The following NAP1L4 variants were observed in gnomAD, a reference collection of about 807,000 sequenced individuals.
NAP1L4 encodes nucleosome assembly protein 1-like 4.
In NAP1L4, 15 loss-of-function variants were observed where a neutral mutation model predicts 58.2. The ratio of observed to expected loss-of-function variants is 0.26; its 90% CI spans 0.17 to 0.40. The LOEUF (loss-of-function observed/expected upper bound fraction) is 0.40. Ranked by LOEUF, NAP1L4 falls within the 10% of genes least tolerant of loss-of-function variation. The pLI, the probability that NAP1L4 is intolerant of heterozygous loss-of-function variation, is 1.00. For synonymous variants in NAP1L4, 171 were observed against 155.6 expected (o/e 1.10, Z -0.74); for missense variants, 384 against 451.1 (o/e 0.85, Z 1.35).
intron 8 of NAP1L4, 111 bp from the exon 9 acceptor site, chr11:2,960,020 T>C (rs1053670342): frequency 4.4e-6 from 5 of 1,143,034 alleles, no homozygotes; most frequent in Middle Eastern, 2.7e-4. Context: ...GCTCAACAGA[T>C]AGGGCCATGA....
chr11:2,969,197 C>T (rs1220664225), intron 7 of NAP1L4, among the ~76,000 whole-genome samples: 1 of 151,906 alleles, frequency 6.6e-6, no homozygotes, highest in East Asian at 1.9e-4. Context: ...CGCGATGCTG[C>T]CCAGGCTGGT....
intron 3 of NAP1L4, among the ~76,000 whole-genome samples, chr11:2,976,355 A>C (rs1488658128): frequency 6.6e-6 from 1 of 152,218 alleles, no homozygotes; most frequent in Non-Finnish European, 1.5e-5. Flanking sequence ...TTTACTGAAT[A>C]AACACCTAGA....
intron 15 of NAP1L4, among the ~76,000 whole-genome samples, 192 bp from the exon 16 acceptor site, chr11:2,945,838 T>C (rs532040250): frequency 6.7e-6 from 1 of 150,038 alleles, no homozygotes; most frequent in Non-Finnish European, 1.5e-5. Flanking sequence ...CAAAGCAGGG[T>C]TTTTTTTTGT....
chr11:2,970,333 T>G (rs148698624), intron 6 of NAP1L4, among the ~76,000 whole-genome samples: 1 of 151,866 alleles, frequency 6.6e-6, no homozygotes, highest in South Asian at 2.1e-4. Context: ...CATCTAGCAC[T>G]GGGCAAAAAA....
chr11:2,945,291 T>C lies in NAP1L4; in HGVS notation c.*388A>G. ...CCAGACCTCGGCCCTTTTTGCCAAG[T>C]GACCCCCACCCCACCCTGATGTGGT... On this transcript the variant is annotated 3_prime_UTR_variant, in exon 16 of 16. Transcript: ENST00000380542. 3.6e-6 allele frequency: 1 copy of C among 280,958 alleles called. No individual in the cohort carries two copies. The highest frequency in any genetic ancestry group is 6.6e-6 in the Non-Finnish European group (1 of 152,038). 17.4% of individuals were successfully genotyped at this position (280,958 alleles called of 1,614,324 possible).
chr11:2,947,615 G>A (rs1322084189), intron 15 of NAP1L4, among the ~76,000 whole-genome samples: 1 of 150,950 alleles, frequency 6.6e-6, no homozygotes, highest in Non-Finnish European at 1.5e-5. Context: ...TGTGACACAT[G>A]CCGAAAAAAA....
chr11:2,975,041 C>T (rs181972263), intron 4 of NAP1L4, among the ~76,000 whole-genome samples: 45 of 151,742 alleles, frequency 3.0e-4, no homozygotes, highest in African/African-American at 6.0e-4. Flanking sequence ...CCCTTCTTGT[C>T]GTAATAGCCC....
At position 2,946,031 on chromosome 11, in the gene NAP1L4, C is replaced by T. The variant is rs958382988; in HGVS notation, c.*33-385G>A. Among the ~76,000 whole-genome samples the T allele has an allele frequency of 7.2e-5, 11 of 152,292 alleles. No individual in the cohort carries two copies. The South Asian group carries it at 1.2e-3, about 17-fold the overall frequency. On this transcript the variant is annotated intron_variant, in intron 15 of 15. Coordinates refer to ENST00000380542, the MANE Select transcript of NAP1L4 (RefSeq NM_005969.4). This position sits in a 1 kb window ranked among gnomAD's most constrained non-coding sequence, Gnocchi z 4.8. ...GCAGCTCCATCCAGGAAGGCCACCG[C>T]GGAGGCAACCCCTCTTGGTGCCAAC...
At position 2,951,264 on chromosome 11, in the gene NAP1L4, G is replaced by A. The variant is rs753972053; in HGVS notation, c.1117C>T (p.Pro373Ser). The A allele has an allele frequency of 2.5e-6, 4 of 1,613,650 alleles. No homozygotes were observed. Among genetic ancestry groups the A allele is most frequent in the African/African-American group, 2.7e-5 (2 of 74,892 alleles). ...GTGGCCCCAAAGTTACCAACCTTGG[G>A]GTTAATTTCCGCATCATCCTCGTCT... is the stretch of plus-strand genomic sequence containing the variant. The part of the protein sequence containing the change: ...GEDEDDAEIN[P>S]KV The change falls in exon 14 of 16, where the codon CCC (proline) becomes TCC (serine). Residue 373 changes from proline (P) to serine (S), a missense_variant. Physicochemically the swap from Pro to Ser is moderately conservative, Grantham distance 74 (BLOSUM62 -1). Coordinates refer to ENST00000380542, the MANE Select transcript of NAP1L4 (RefSeq NM_005969.4). This position sits in a 1 kb window ranked among gnomAD's most constrained non-coding sequence, Gnocchi z 4.0.
intron 8 of NAP1L4, among the ~76,000 whole-genome samples, chr11:2,961,601 T>C (rs1168363594): frequency 3.3e-5 from 5 of 151,900 alleles, no homozygotes; most frequent in Admixed American, 3.3e-4. Flanking sequence ...GACCACAGTG[T>C]GGACAACCAA....
intron 3 of NAP1L4, among the ~76,000 whole-genome samples, chr11:2,977,762 T>C (rs538309376): frequency 3.4e-4 from 51 of 151,930 alleles, no homozygotes; most frequent in Middle Eastern, 3.4e-3. Flanking sequence ...AGTACAGATA[T>C]AGTTTTTTTT....
In NAP1L4 at chr11:2,971,902, G is replaced by C. The variant is rs912713514; in HGVS notation, c.315+200C>G. On this transcript the variant is annotated intron_variant, in intron 5 of 15. Coordinates refer to ENST00000380542, the MANE Select transcript of NAP1L4 (RefSeq NM_005969.4). This position sits in a 1 kb window ranked among gnomAD's most constrained non-coding sequence, Gnocchi z 4.2. ...TACTCAGCACTTTATTATAAAATAG[G>C]CTTTGTGGAAGATGATTTTGCCTGA... Among the ~76,000 whole-genome samples the C allele has an allele frequency of 6.6e-6, 1 of 152,138 alleles. No individual in the cohort carries two copies. Among genetic ancestry groups the C allele is most frequent in the Non-Finnish European group, 1.5e-5 (1 of 68,034 alleles).
In NAP1L4 at chr11:2,971,787, C is replaced by T. The variant is rs1241987450; in HGVS notation, c.316-253G>A. Among the ~76,000 whole-genome samples the T allele has an allele frequency of 1.3e-5, 2 of 152,192 alleles. No homozygotes were observed. The highest frequency in any genetic ancestry group is 3.8e-4 in the East Asian group (2 of 5,204). On this transcript the variant is annotated intron_variant, in intron 5 of 15. Transcript: ENST00000380542. This position sits in a 1 kb window ranked among gnomAD's most constrained non-coding sequence, Gnocchi z 4.2. Reference sequence around the variant, plus strand: ...TGGTTCAGCTAAAGATTTTCAACTTCCTGATGGTGCAGAAGCCATCACACT... The same window carrying T: ...TGGTTCAGCTAAAGATTTTCAACTTTCTGATGGTGCAGAAGCCATCACACT...
chr11:2,968,962 T>C (rs1847456292), intron 7 of NAP1L4, among the ~76,000 whole-genome samples: 1 of 121,580 alleles, frequency 8.2e-6, no homozygotes, highest in African/African-American at 3.4e-5. Flanking sequence ...AAATCAGAAA[T>C]GGTGGTTGGG....
chr11:2,990,647 A>G (rs1360065437), intron 1 of NAP1L4: 4 of 152,982 alleles, frequency 2.6e-5, no homozygotes, highest in Non-Finnish European at 5.8e-5. Context: ...CCTCTACAGA[A>G]GCAGTAACCC....
intron 1 of NAP1L4, among the ~76,000 whole-genome samples, chr11:2,984,431 C>A (rs1848509437): frequency 6.6e-6 from 1 of 151,966 alleles, no homozygotes; most frequent in South Asian, 2.1e-4. Context: ...ATTAGCCGGG[C>A]ATGGTGGCGC....
chr11:2,981,418 C>CCAAAAAAAAAAAA (rs1564990154), intron 1 of NAP1L4, among the ~76,000 whole-genome samples: 1 of 41,276 alleles, frequency 2.4e-5, no homozygotes. Flanking sequence ...TACCCTGTCT[C>CCAAAAAAAAAAAA]AAAAAAAAAA....
At position 2,945,664 on chromosome 11, in the gene NAP1L4, A is replaced by G; in HGVS notation, c.*33-18T>C. 2 of 1,535,606 alleles carry G rather than the reference A, an allele frequency of 1.3e-6. No individual in the cohort carries two copies. Among genetic ancestry groups the G allele is most frequent in the South Asian group, 1.2e-5 (1 of 84,034 alleles). On this transcript the variant is annotated intron_variant, in intron 15 of 15. Coordinates refer to ENST00000380542, the MANE Select transcript of NAP1L4 (RefSeq NM_005969.4). ...GGTTCCTTCTGTCAATGAAAAAGAC[A>G]AGGCTTGTAGAGAGCAAAGCCAGCT...
intron 4 of NAP1L4, among the ~76,000 whole-genome samples, chr11:2,975,095 T>A (rs997955520): frequency 3.3e-5 from 5 of 151,070 alleles, no homozygotes; most frequent in Admixed American, 2.0e-4. Flanking sequence ...TGGGGCCTCC[T>A]GGGAGACCAA....
Sources: gnomAD v4.1 joint callset for allele counts (sites outside exome capture counted in the v4.1 genomes callset) on GRCh38, gnomAD v4.1.1 for gene constraint, Gnocchi (gnomAD v3.1) non-coding constraint, MANE v1.5 for transcripts, NCBI Gene and HGNC (gene_info 2026-07-23, HGNC 2026-07-21) for gene names.